LRP5: variants seen among roughly 807,000 people sequenced by gnomAD.
LRP5 encodes the protein LDL receptor related protein 5.
LRP5 carries 62 observed loss-of-function variants against 154.1 expected under a neutral mutation model. That is an observed-to-expected ratio of 0.40 (90% CI 0.33 to 0.50). The LOEUF is 0.50. Ranked by LOEUF, LRP5 falls within the 20% of genes least tolerant of loss-of-function variation. The probability of loss-of-function intolerance (pLI) is 0.55; values close to 1 mark genes in which losing one functional copy is unlikely to be tolerated. For missense variants in LRP5, 1,915 were observed against 2,336.7 expected, an observed-to-expected ratio of 0.82 and a Z score of 3.72; for synonymous variants, 966 against 1,011.5, an observed-to-expected ratio of 0.96 and a Z score of 0.85.
At chr11:68,417,067 A>G (rs936204225) in intron 13 of LRP5, among the ~76,000 whole-genome samples, 24 of 152,248 alleles carry the variant, frequency 1.6e-4, no homozygotes, top group African/African-American at 5.8e-4. Context: ...ATGGTTAGCT[A>G]TATCCCACAA....
At chr11:68,306,218 C>G in the LRP5 span, among the ~76,000 whole-genome samples, 2 of 152,186 alleles carry the variant, frequency 1.3e-5, no homozygotes, top group Non-Finnish European at 2.9e-5. Context: ...TCACTGCAAC[C>G]TCCGCCTCCC....
At chr11:68,387,899 C>T (rs1262379886) in intron 6 of LRP5, among the ~76,000 whole-genome samples, 4 of 152,162 alleles carry the variant, frequency 2.6e-5, no homozygotes, top group East Asian at 3.9e-4. Flanking sequence ...CCAGGGCACC[C>T]GTCGGGCAGC....
intron 1 of LRP5, among the ~76,000 whole-genome samples, chr11:68,331,632 C>G (rs1421266261): frequency 2.0e-5 from 3 of 152,302 alleles, no homozygotes; most frequent in Admixed American, 6.5e-5. Flanking sequence ...TGCTCCACCC[C>G]CAAACGTGCC....
the LRP5 span, among the ~76,000 whole-genome samples, chr11:68,299,609 ACAGAGTCTTGTTGCC>A: frequency 7.3e-6 from 1 of 137,384 alleles, no homozygotes; most frequent in Non-Finnish European, 1.6e-5. Flanking sequence ...TTTTTTTGAG[ACAGAGTCTTGTTGCC>A]CAGGCTGGAG....
At chr11:68,420,993 A>G (rs1018252769) in intron 13 of LRP5, among the ~76,000 whole-genome samples, 7 of 152,112 alleles carry the variant, frequency 4.6e-5, no homozygotes, top group East Asian at 3.9e-4. Flanking sequence ...TTGGGAGGCC[A>G]GGGCGGGCGG....
At chr11:68,370,598 C>T (rs1211997836) in intron 5 of LRP5, among the ~76,000 whole-genome samples, 4 of 152,184 alleles carry the variant, frequency 2.6e-5, no homozygotes, top group Non-Finnish European at 4.4e-5. Flanking sequence ...CCGTCAGGGC[C>T]GCAGGGCTGA....
chr11:68,348,380 A>C lies in LRP5; in HGVS notation c.488+137A>C, dbSNP rs960396809. 7.7e-6 allele frequency: 8 copies of C among 1,035,584 alleles called. No homozygotes were observed. The Admixed American group carries it at 1.2e-4, about 15-fold the overall frequency. 64.1% of individuals were successfully genotyped at this position (1,035,584 alleles called of 1,614,324 possible). On this transcript the variant is annotated intron_variant, in intron 2 of 22. Coordinates refer to ENST00000294304, the MANE Select transcript of LRP5 (RefSeq NM_002335.4). ...AATGAACCCGTGGGGGGGTTGGCTCAGGCCTGTAACCCCAGCACTCGGTGT... is the reference window on the plus strand; with the variant it reads ...AATGAACCCGTGGGGGGGTTGGCTCCGGCCTGTAACCCCAGCACTCGGTGT...
rs369652619 is a variant in LRP5, at chr11:68,357,719, G to A, written c.558G>A (p.Arg186=). The change falls in exon 3 of 23, where the codon CGG becomes CGA. Residue 186 remains arginine (R), a synonymous_variant. Coordinates refer to ENST00000294304, the MANE Select transcript of LRP5 (RefSeq NM_002335.4). ...IERAGMDGST[R]KIIVDSDIYW... ...GGGCAGGGATGGATGGCAGCACCCG[G>A]AAGATCATTGTGGACTCGGACATTT... The A allele has an allele frequency of 9.3e-6, 15 of 1,614,206 alleles. No individual in the cohort carries two copies. The highest frequency in any genetic ancestry group is 1.2e-5 in the Non-Finnish European group (14 of 1,180,024).
chr11:68,345,003 C>T (rs957394427), intron 1 of LRP5, among the ~76,000 whole-genome samples: 1 of 151,832 alleles, frequency 6.6e-6, no homozygotes, highest in African/African-American at 2.4e-5. Flanking sequence ...GCTGGAACTA[C>T]AGGCGCGTGC....
At chr11:68,347,280 T>C (rs1440203999) in intron 1 of LRP5, among the ~76,000 whole-genome samples, 1 of 152,130 alleles carries the variant, frequency 6.6e-6, no homozygotes, top group Non-Finnish European at 1.5e-5. Flanking sequence ...CAGGGGTGGA[T>C]GGGAAGCTGA....
chr11:68,365,168 A>G (rs528418801), intron 4 of LRP5, among the ~76,000 whole-genome samples: 128 of 152,246 alleles, frequency 8.4e-4, no homozygotes, highest in Non-Finnish European at 1.6e-3. Context: ...GACCCCGGCC[A>G]TTGGAGCGTG....
chr11:68,373,599 T>C (rs553675377), intron 5 of LRP5, among the ~76,000 whole-genome samples: 1 of 152,302 alleles, frequency 6.6e-6, no homozygotes, highest in Non-Finnish European at 1.5e-5. Context: ...GATGCTGCTC[T>C]CTGCAGCTCA....
intron 13 of LRP5, among the ~76,000 whole-genome samples, chr11:68,422,836 A>G (rs2098666587): frequency 7.8e-6 from 1 of 128,858 alleles, no homozygotes; most frequent in Non-Finnish European, 1.6e-5. Flanking sequence ...CCTCCCCTGT[A>G]CCTTCACCTC....
At chr11:68,305,190 G>A in the LRP5 span, among the ~76,000 whole-genome samples, 1 of 152,040 alleles carries the variant, frequency 6.6e-6, no homozygotes, top group Non-Finnish European at 1.5e-5. Flanking sequence ...GTGGCTTGGT[G>A]CTGTCCTTGC....
rs2098682822 is a variant in LRP5 at position 68,448,810 on chromosome 11, C to T, written c.4588C>T (p.Pro1530Ser). ...CTCCTCTGTGTGTGTCCCTTTCAGG[C>T]CCTACATCATTCGAGGAATGGCGCC... ...NIPATARPYR[P>S]YIIRGMAPPT... is the part of the protein sequence containing the mutation. Residue 1530 changes from proline to serine, a missense_variant and splice_region_variant, in exon 23 of 23, where the codon CCC becomes TCC. By Grantham distance (74) the Pro-to-Ser change is moderately conservative. This residue lies in a region of LRP5 where 1,094 missense variants were observed against 1,210.1 expected (regional missense o/e 0.90). Transcript: ENST00000294304. 3.7e-6 allele frequency: 6 copies of T among 1,604,826 alleles called. No individual in the cohort carries two copies. Among genetic ancestry groups the T allele is most frequent in the Non-Finnish European group, 4.2e-6 (5 of 1,179,970 alleles).
intron 17 of LRP5, among the ~76,000 whole-genome samples, chr11:68,430,262 C>T (rs2098671169): frequency 6.6e-6 from 1 of 152,200 alleles, no homozygotes; most frequent in Non-Finnish European, 1.5e-5. Flanking sequence ...CAACCTCTGC[C>T]TCCCGGGTTC....
At position 68,353,724 on chromosome 11, in the gene LRP5, C is replaced by T. The variant is rs1478767202; in HGVS notation, c.489-3926C>T. Among the ~76,000 whole-genome samples, 2 of 152,214 alleles carry T rather than the reference C, an allele frequency of 1.3e-5. No individual in the cohort carries two copies. Among genetic ancestry groups the T allele is most frequent in the Non-Finnish European group, 2.9e-5 (2 of 68,024 alleles). On this transcript the variant is annotated intron_variant, in intron 2 of 22. Coordinates refer to ENST00000294304, the MANE Select transcript of LRP5 (RefSeq NM_002335.4). The surrounding 1 kb of genome is among the most constrained non-coding windows in gnomAD (Gnocchi z 4.5). ...AGTGCTGTCCCCCACCAGGGTCCTT[C>T]CTCAGAGGAGGGGGTTCCTGCCCCG...
chr11:68,436,737 GT>G (rs2098675193), intron 18 of LRP5, 151 bp from the exon 19 acceptor site: 1 of 630,994 alleles, frequency 1.6e-6, no homozygotes, highest in East Asian at 2.8e-5. Context: ...TCGAGGGTGG[GT>G]GGAGACTGTA....
At chr11:68,443,577 ATATATATATT>A (rs1435285744) in intron 21 of LRP5, among the ~76,000 whole-genome samples, 1,606 of 41,436 alleles carry the variant, frequency 0.039, 7 homozygotes, top group Non-Finnish European at 0.049. Context: ...ATATATATAT[ATATATATATT>A]TTTTTTTTTT....
Sources: gnomAD v4.1 joint callset for allele counts (sites outside exome capture counted in the v4.1 genomes callset) on GRCh38, gnomAD v4.1.1 for gene constraint, gnomAD v4.1.1 regional missense constraint, Gnocchi (gnomAD v3.1) non-coding constraint, MANE v1.5 for transcripts, NCBI Gene and HGNC (gene_info 2026-07-23, HGNC 2026-07-21) for gene names.